Variants in TMEM132C observed in about 807,000 individuals in gnomAD.
The protein encoded by TMEM132C is protein phosphatase 1, regulatory subunit 152.
In TMEM132C, 29 loss-of-function variants were observed where a neutral mutation model predicts 61.4. The ratio of observed to expected loss-of-function variants is 0.47; its 90% CI spans 0.35 to 0.64. The LOEUF is 0.64. Ranked by LOEUF, TMEM132C falls within the 30% of genes least tolerant of loss-of-function variation. TMEM132C has a pLI of 0.00. For missense variants in TMEM132C, 1,408 were observed against 1,476.9 expected, an observed-to-expected ratio of 0.95 and a Z score of 0.76; for synonymous variants, 656 against 633.1, an observed-to-expected ratio of 1.04 and a Z score of -0.54.
intron 2 of TMEM132C, among the ~76,000 whole-genome samples, chr12:128,433,147 A>G (rs1869451007): frequency 6.6e-6 from 1 of 152,244 alleles, no homozygotes; most frequent in South Asian, 2.1e-4. Flanking sequence ...TTGCACACTT[A>G]ATAGCCTACA....
In TMEM132C at chr12:128,593,393, C is replaced by T. The variant is rs150772880; in HGVS notation, c.1122-22759C>T. Among the ~76,000 whole-genome samples, 818 of 152,314 alleles carry T rather than the reference C, an allele frequency of 5.4e-3. 4 individuals are homozygous for T. Among genetic ancestry groups the T allele is most frequent in the Middle Eastern group, 0.02 (6 of 294 alleles). ...TAAAGTAAGAAACAGATCTCTCCCT[C>T]AGTGGAGCTGGAGCTGGTCCTTTCC... On this transcript the variant is annotated intron_variant, in intron 3 of 8. Transcript: ENST00000435159.
intron 1 of TMEM132C, among the ~76,000 whole-genome samples, chr12:128,293,106 C>A (rs1871300154): frequency 6.6e-6 from 1 of 152,190 alleles, no homozygotes; most frequent in African/African-American, 2.4e-5. Flanking sequence ...AAATCTGAAC[C>A]TGTAGTGTCT....
chr12:128,675,911 G>T (rs571680380), intron 5 of TMEM132C, among the ~76,000 whole-genome samples: 141 of 151,746 alleles, frequency 9.3e-4, no homozygotes, highest in Non-Finnish European at 1.5e-3. Context: ...ATTTGTTGCT[G>T]AACCACTTCA....
At chr12:128,365,465 CTAT>C (rs1353566610) in intron 1 of TMEM132C, among the ~76,000 whole-genome samples, 6 of 152,106 alleles carry the variant, frequency 3.9e-5, no homozygotes, top group African/African-American at 1.2e-4. Flanking sequence ...GCTATTATTG[CTAT>C]TATTAGCATA....
At chr12:128,485,315 T>C (rs1011220571) in intron 2 of TMEM132C, among the ~76,000 whole-genome samples, 10 of 152,186 alleles carry the variant, frequency 6.6e-5, no homozygotes, top group African/African-American at 2.2e-4. Flanking sequence ...TAGCTGGGAT[T>C]GCAGGCAACT....
intron 1 of TMEM132C, among the ~76,000 whole-genome samples, chr12:128,355,785 G>A (rs1327637819): frequency 6.6e-6 from 1 of 151,820 alleles, no homozygotes; most frequent in African/African-American, 2.4e-5. Context: ...CCTGCAAAGT[G>A]CTCCCCTCCC....
intron 1 of TMEM132C, among the ~76,000 whole-genome samples, chr12:128,310,938 C>T (rs1005516478): frequency 1.3e-5 from 2 of 152,146 alleles, no homozygotes; most frequent in Admixed American, 1.3e-4. Context: ...ATCTCAAGTA[C>T]ACTGATTTGA....
At chr12:128,511,780 G>A (rs1048989881) in intron 2 of TMEM132C, among the ~76,000 whole-genome samples, 8 of 152,304 alleles carry the variant, frequency 5.3e-5, no homozygotes, top group South Asian at 4.1e-4. Context: ...CCACCCCAAG[G>A]TGCAATGTTG....
At position 128,693,987 on chromosome 12, in the gene TMEM132C, G is replaced by T. The variant is rs775419574; in HGVS notation, c.1608G>T (p.Glu536Asp). ...TGCAGATCGAGGTCTCTGACACGGA[G>T]CTCAGCCAGATAAAGGGCTGGAGGG... Reference protein sequence around the residue: ...LPLQIEVSDTELSQIKGWRVP... With the variant: ...LPLQIEVSDTDLSQIKGWRVP... The change falls in exon 6 of 9, where the codon GAG becomes GAT. Residue 536 changes from glutamate to aspartate, a missense_variant. Transcript: ENST00000435159. 1 of 1,551,756 alleles carries T rather than the reference G, an allele frequency of 6.4e-7. No individual in the cohort carries two copies. The highest frequency in any genetic ancestry group is 8.7e-7 in the Non-Finnish European group (1 of 1,147,010).
At chr12:128,604,613 A>G (rs776495335) in intron 3 of TMEM132C, among the ~76,000 whole-genome samples, 1 of 152,104 alleles carries the variant, frequency 6.6e-6, no homozygotes, top group Non-Finnish European at 1.5e-5. Flanking sequence ...GGCTAGATAG[A>G]TAAAAAATGG....
rs1386532141 is a variant in TMEM132C at position 128,706,168 on chromosome 12, G to T, written c.3200G>T (p.Ser1067Ile). 1 of 1,551,164 alleles carries T rather than the reference G, an allele frequency of 6.4e-7. No homozygotes were observed. The highest frequency in any genetic ancestry group is 2.0e-5 in the Admixed American group (1 of 50,958). Residue 1067 changes from serine (S) to isoleucine (I), a missense_variant, in exon 9 of 9, where the codon AGC (serine) becomes ATC (isoleucine). Transcript: ENST00000435159. Reference protein sequence around the residue: ...TTFTTIPPDDSCPTVNSIVSS... With the variant: ...TTFTTIPPDDICPTVNSIVSS... The stretch of plus-strand genomic sequence containing the variant: ...TTTACCACCATCCCCCCGGACGACA[G>T]CTGCCCCACGGTGAACTCCATCGTC...
chr12:128,602,508 T>G (rs1193950402), intron 3 of TMEM132C, among the ~76,000 whole-genome samples: 1 of 152,242 alleles, frequency 6.6e-6, no homozygotes, highest in Non-Finnish European at 1.5e-5. Context: ...GGGGAAATGT[T>G]AGGTCTTCAG....
chr12:128,652,760 C>T (rs919105257), intron 4 of TMEM132C, among the ~76,000 whole-genome samples: 1 of 152,214 alleles, frequency 6.6e-6, no homozygotes. Flanking sequence ...GATTTCATAG[C>T]ATGGAGAAAA....
chr12:128,655,981 AC>A (rs766159079), intron 4 of TMEM132C, among the ~76,000 whole-genome samples: 36 of 152,336 alleles, frequency 2.4e-4, no homozygotes, highest in Admixed American at 9.8e-4. Context: ...TAAGGCCATG[AC>A]CACTATTAGT....
At chr12:128,315,776 A>G (rs1043370800) in intron 1 of TMEM132C, among the ~76,000 whole-genome samples, 1 of 152,022 alleles carries the variant, frequency 6.6e-6, no homozygotes, top group Non-Finnish European at 1.5e-5. Flanking sequence ...CCTTATGAGA[A>G]GGCCATGTGC....
intron 3 of TMEM132C, 94 bp downstream of exon 3, chr12:128,544,197 G>A (rs11610492): frequency 6.4e-6 from 9 of 1,410,536 alleles, no homozygotes; most frequent in Non-Finnish European, 7.4e-6. Context: ...TCGCGTGAGC[G>A]GCTGCTCAGA....
At chr12:128,546,411 T>C (rs896178181) in intron 3 of TMEM132C, among the ~76,000 whole-genome samples, 7 of 152,166 alleles carry the variant, frequency 4.6e-5, no homozygotes, top group African/African-American at 1.7e-4. Context: ...GGAACCTGAA[T>C]GAGAAGCAGA....
Position 128,414,746 on chromosome 12 carries a change from G to A in TMEM132C, c.100G>A (p.Gly34Arg), listed in dbSNP as rs768707329. The A allele has an allele frequency of 1.4e-4, 210 of 1,525,860 alleles. No individual in the cohort carries two copies. The East Asian group carries it at 1.4e-3, about 10-fold the overall frequency. 94.5% of individuals were successfully genotyped at this position (1,525,860 alleles called of 1,614,324 possible). The change falls in exon 2 of 9, where the codon GGG becomes AGG. Residue 34 changes from glycine to arginine, a missense_variant. By Grantham distance (125) the Gly-to-Arg change is moderately radical (BLOSUM62 -2). Transcript: ENST00000435159. ...TCCCTTTTTAGTGATAGAGGGTCAC[G>A]GGGTCACAGACAACATACAGAGATT... is the stretch of plus-strand genomic sequence containing the variant. ...ALLGKVIEGH[G>R]VTDNIQRFSS...
chr12:128,670,598 T>G (rs80207605), intron 5 of TMEM132C, among the ~76,000 whole-genome samples: 1 of 152,192 alleles, frequency 6.6e-6, no homozygotes. Context: ...TAACAAATAA[T>G]AGGATTTCTT....
Sources: allele counts gnomAD v4.1 joint callset (sites outside exome capture counted in the v4.1 genomes callset), GRCh38; gene constraint gnomAD v4.1.1; transcripts MANE v1.5; gene names NCBI Gene and HGNC (gene_info 2026-07-23, HGNC 2026-07-21).